LCOR: variants seen among roughly 807,000 people sequenced by gnomAD.
LCOR encodes the protein ligand-dependent corepressor.
LCOR carries 14 observed loss-of-function variants against 64.4 expected under a neutral mutation model. That is an observed-to-expected ratio of 0.22 (90% CI 0.14 to 0.34). The LOEUF is 0.34. Among genes scored for constraint, LCOR ranks in the 10% least tolerant of loss-of-function variants. The probability of loss-of-function intolerance (pLI) is 1.00; values close to 1 mark genes in which losing one functional copy is unlikely to be tolerated. For synonymous variants in LCOR, 643 were observed against 642.5 expected (o/e 1.00, Z -0.01); for missense variants, 1,686 against 1,765.3 (o/e 0.96, Z 0.80).
At chr10:96,867,707 G>A (rs1256653633) in intron 2 of LCOR, among the ~76,000 whole-genome samples, 3 of 151,954 alleles carry the variant, frequency 2.0e-5, no homozygotes, top group African/African-American at 7.3e-5. Flanking sequence ...GACTAGCCTG[G>A]ATAACATAGC....
At chr10:96,921,771 A>G (rs1847085967) in intron 4 of LCOR, among the ~76,000 whole-genome samples, 3 of 152,200 alleles carry the variant, frequency 2.0e-5, no homozygotes, top group South Asian at 4.1e-4. Flanking sequence ...GCCCAGCTTC[A>G]TTAGCAGCAT....
chr10:96,918,014 G>T (rs1846985385), intron 4 of LCOR, among the ~76,000 whole-genome samples: 1 of 152,142 alleles, frequency 6.6e-6, no homozygotes, highest in South Asian at 2.1e-4. Flanking sequence ...AGGGTTGTGG[G>T]AAATGAGTTG....
chr10:96,842,932 C>G (rs2134366664), intron 2 of LCOR, among the ~76,000 whole-genome samples: 1 of 152,192 alleles, frequency 6.6e-6, no homozygotes, highest in African/African-American at 2.4e-5. Context: ...TGGCCCGCCC[C>G]TAGTTTATAC....
intron 5 of LCOR, among the ~76,000 whole-genome samples, chr10:96,947,394 G>T (rs1450336053): frequency 6.6e-6 from 1 of 152,084 alleles, no homozygotes; most frequent in Non-Finnish European, 1.5e-5. Context: ...GTTCTTAGGA[G>T]TCCTGTGAGG....
chr10:96,941,947 CACTTT>C (rs1847492310), intron 4 of LCOR, among the ~76,000 whole-genome samples: 2 of 114,898 alleles, frequency 1.7e-5, no homozygotes, highest in African/African-American at 6.3e-5. Flanking sequence ...AGACGCTCCT[CACTTT>C]CCAGACTGGG....
chr10:96,874,934 C>A (rs1485995320), intron 2 of LCOR, among the ~76,000 whole-genome samples: 1 of 152,032 alleles, frequency 6.6e-6, no homozygotes, highest in East Asian at 1.9e-4. Flanking sequence ...CCGCACCCGG[C>A]CTGTCAATCT....
chr10:96,861,317 C>T (rs138240153), intron 2 of LCOR, among the ~76,000 whole-genome samples: 62 of 152,270 alleles, frequency 4.1e-4, no homozygotes, highest in African/African-American at 1.4e-3. Context: ...GTCATAAGTT[C>T]GTAGTGATGA....
intron 2 of LCOR, among the ~76,000 whole-genome samples, chr10:96,901,994 G>C (rs17112206): frequency 0.067 from 10,158 of 152,050 alleles, 371 homozygotes; most frequent in East Asian, 0.18. Context: ...CTGATAGTAG[G>C]ACATTTCTTA....
At chr10:96,965,577 G>A (rs954447073) in intron 7 of LCOR, among the ~76,000 whole-genome samples, 1 of 149,788 alleles carries the variant, frequency 6.7e-6, no homozygotes, top group African/African-American at 2.5e-5. Flanking sequence ...CAGGAGAATG[G>A]CGTGAACCCA....
chr10:96,956,513 T>G, intron 7 of LCOR: 1 of 982,950 alleles, frequency 1.0e-6, no homozygotes, highest in East Asian at 1.1e-4. Flanking sequence ...TATAGTTACA[T>G]TTTATAATTT....
intron 2 of LCOR, among the ~76,000 whole-genome samples, chr10:96,870,091 G>T (rs1846047172): frequency 6.6e-6 from 1 of 152,104 alleles, no homozygotes; most frequent in Non-Finnish European, 1.5e-5. Flanking sequence ...GTCTCACTCT[G>T]TCGCCCAGGC....
chr10:96,884,728 GAGT>G (rs1367970749), intron 2 of LCOR, among the ~76,000 whole-genome samples: 2 of 152,198 alleles, frequency 1.3e-5, no homozygotes, highest in Non-Finnish European at 2.9e-5. Flanking sequence ...CCACACTTTT[GAGT>G]AAGGTCTAGG....
At chr10:96,930,738 A>C (rs1847243687) in intron 4 of LCOR, among the ~76,000 whole-genome samples, 1 of 152,220 alleles carries the variant, frequency 6.6e-6, no homozygotes, top group South Asian at 2.1e-4. Context: ...AGAGGTGATT[A>C]GGCCATAAGG....
In LCOR at chr10:96,984,466, G is replaced by T. The variant is rs1290515397; in HGVS notation, c.4006G>T (p.Asp1336Tyr). 1.2e-6 allele frequency: 2 copies of T among 1,614,234 alleles called. No individual in the cohort carries two copies. Among genetic ancestry groups the T allele is most frequent in the Non-Finnish European group, 1.7e-6 (2 of 1,180,040 alleles). The change falls in exon 8 of 8, where the codon GAT (aspartate) becomes TAT (tyrosine). Residue 1336 changes from aspartate to tyrosine, a missense_variant. By Grantham distance (160) the Asp-to-Tyr change is radical. Coordinates refer to ENST00000421806, the MANE Select transcript of LCOR (RefSeq NM_001346516.2). ...LIKNEKMECP[D>Y]ALAVESKPSR... The stretch of plus-strand genomic sequence containing the variant: ...CAAGAATGAGAAAATGGAATGCCCA[G>T]ATGCTCTGGCTGTGGAAAGTAAGCC...
chr10:96,855,897 A>G (rs184202901), intron 2 of LCOR, among the ~76,000 whole-genome samples: 220 of 151,046 alleles, frequency 1.5e-3, no homozygotes, highest in Admixed American at 2.6e-3. Flanking sequence ...ATGCACCACC[A>G]TGCCCGGCTA....
At chr10:96,921,287 T>C (rs184111405) in intron 4 of LCOR, among the ~76,000 whole-genome samples, 2 of 152,304 alleles carry the variant, frequency 1.3e-5, no homozygotes, top group Admixed American at 1.3e-4. Context: ...TTGTCTGTTC[T>C]TTTGGAGTTG....
chr10:96,922,295 A>G (rs1267826112), intron 4 of LCOR, among the ~76,000 whole-genome samples: 3 of 152,156 alleles, frequency 2.0e-5, no homozygotes, highest in Non-Finnish European at 2.9e-5. Flanking sequence ...TGTGGGATCA[A>G]TAAAGATGCT....
At chr10:96,907,174 A>G in intron 2 of LCOR, 91 bp from the exon 3 acceptor site, 1 of 362,056 alleles carries the variant, frequency 2.8e-6, no homozygotes, top group Non-Finnish European at 3.8e-6. Flanking sequence ...GAGAACTGGA[A>G]GAAAACACCA....
intron 7 of LCOR, among the ~76,000 whole-genome samples, chr10:96,971,982 G>C (rs143218036): frequency 1.3e-5 from 2 of 152,014 alleles, no homozygotes; most frequent in East Asian, 3.9e-4. Context: ...TTAATACTTA[G>C]TTCAGTTCTA....
Sources: allele counts gnomAD v4.1 joint callset (sites outside exome capture counted in the v4.1 genomes callset), GRCh38; gene constraint gnomAD v4.1.1; transcripts MANE v1.5; gene names NCBI Gene and HGNC (gene_info 2026-07-23, HGNC 2026-07-21).